TSNAX: variants seen among roughly 807,000 people sequenced by gnomAD.
TSNAX encodes the protein translin associated factor X.
TSNAX carries 12 observed loss-of-function variants against 33.0 expected under a neutral mutation model. The ratio of observed to expected loss-of-function variants is 0.36; its 90% CI spans 0.23 to 0.59. The LOEUF is 0.59. Ranked by LOEUF, TSNAX falls within the 20% of genes least tolerant of loss-of-function variation. The pLI is 0.74. For synonymous variants in TSNAX, 110 were observed against 117.2 expected (o/e 0.94, Z 0.40); for missense variants, 267 against 341.3 (o/e 0.78, Z 1.72).
chr1:231,545,774 G>A (rs200878454), intron 4 of TSNAX, among the ~76,000 whole-genome samples: 2 of 151,702 alleles, frequency 1.3e-5, no homozygotes, highest in African/African-American at 4.8e-5. Flanking sequence ...GGATGTTTTG[G>A]GCCAGTTAAG....
rs1197819616 is a variant in TSNAX at position 231,532,175 on chromosome 1, C to T, written c.121+2816C>T. Among the ~76,000 whole-genome samples the T allele has an allele frequency of 1.1e-3, 103 of 93,370 alleles. 1 individual carries two copies. The highest frequency in any genetic ancestry group is 3.7e-3 in the African/African-American group (98 of 26,188). The allele number at this position is 93,370 out of a possible 152,430, so 61.3% of individuals were successfully genotyped here. A position where few individuals can be genotyped will look rare whatever the true frequency, so the allele number is the denominator to read the frequency against. ...ACACACACACACACACACACACACACACACACACACAGTTTTGGTTTTTTT... is the reference window on the plus strand; with the variant it reads ...ACACACACACACACACACACACACATACACACACACAGTTTTGGTTTTTTT... On this transcript the variant is annotated intron_variant, in intron 2 of 5. Transcript: ENST00000366639.
chr1:231,545,560 TC>T (rs954288898), intron 4 of TSNAX, among the ~76,000 whole-genome samples: 14 of 152,296 alleles, frequency 9.2e-5, no homozygotes, highest in Middle Eastern at 3.4e-3. Flanking sequence ...ATTTTTTTTT[TC>T]CCTCTTGTTG....
chr1:231,542,793 C>T, intron 4 of TSNAX, 182 bp downstream of exon 4: 1 of 606,978 alleles, frequency 1.6e-6, no homozygotes, highest in African/African-American at 1.9e-5. Context: ...TTTTTTTTAA[C>T]AGTGTAGTGA....
At chr1:231,553,772 T>G (rs1660505171) in intron 4 of TSNAX, among the ~76,000 whole-genome samples, 1 of 151,234 alleles carries the variant, frequency 6.6e-6, no homozygotes, top group Admixed American at 6.6e-5. Flanking sequence ...CCACAACCTC[T>G]GCCTCCCAGG....
intron 4 of TSNAX, among the ~76,000 whole-genome samples, chr1:231,554,187 AAAAT>A (rs1468887807): frequency 6.6e-6 from 1 of 152,224 alleles, no homozygotes; most frequent in Non-Finnish European, 1.5e-5. Flanking sequence ...TCCCTATTAA[AAAAT>A]AAATCAGGAC....
At chr1:231,536,843 C>A (rs903646859) in intron 2 of TSNAX, 3 of 132,528 alleles carry the variant, frequency 2.3e-5, no homozygotes, top group Admixed American at 7.5e-5. Flanking sequence ...TTTTTTTTTT[C>A]TTTTTTTTGA....
chr1:231,564,421 T>C, intron 5 of TSNAX, 107 bp from the exon 6 acceptor site: 2 of 1,486,206 alleles, frequency 1.3e-6, no homozygotes, highest in East Asian at 4.6e-5. Flanking sequence ...GCTATTGATT[T>C]TGTACTTCTA....
At chr1:231,530,270 T>C (rs1277111830) in intron 2 of TSNAX, among the ~76,000 whole-genome samples, 4 of 152,236 alleles carry the variant, frequency 2.6e-5, no homozygotes, top group Admixed American at 6.5e-5. Flanking sequence ...AAGGAAGTTA[T>C]GTCCCACCCT....
chr1:231,557,614 T>C (rs16854555), intron 4 of TSNAX, among the ~76,000 whole-genome samples: 1,994 of 152,022 alleles, frequency 0.013, 41 homozygotes, highest in African/African-American at 0.045. Flanking sequence ...AAATATAGGG[T>C]TCATGGATAG....
At chr1:231,550,520 GC>G (rs1660229476) in intron 4 of TSNAX, among the ~76,000 whole-genome samples, 1 of 152,180 alleles carries the variant, frequency 6.6e-6, no homozygotes, top group Non-Finnish European at 1.5e-5. Context: ...AGGAAGCATT[GC>G]TTTATTTGAG....
chr1:231,529,498 A>G, intron 2 of TSNAX, 139 bp downstream of exon 2: 2 of 763,744 alleles, frequency 2.6e-6, no homozygotes, highest in South Asian at 2.0e-5. Flanking sequence ...ATGTACCCTA[A>G]AAGTCTGGAT....
intron 2 of TSNAX, chr1:231,534,706 C>T (rs551065952): frequency 2.0e-5 from 3 of 152,266 alleles, no homozygotes; most frequent in South Asian, 2.1e-4. Flanking sequence ...AGATTGCATA[C>T]CCTTAGTACG....
chr1:231,557,939 G>A (rs1043944784), intron 4 of TSNAX, among the ~76,000 whole-genome samples: 1 of 152,094 alleles, frequency 6.6e-6, no homozygotes, highest in African/African-American at 2.4e-5. Flanking sequence ...TAACCATATA[G>A]GGGATTATAA....
intron 4 of TSNAX, among the ~76,000 whole-genome samples, chr1:231,550,387 A>G (rs1660221360): frequency 6.6e-6 from 1 of 152,168 alleles, no homozygotes; most frequent in African/African-American, 2.4e-5. Context: ...AACCCCCAAA[A>G]AGAGGTGCCT....
intron 3 of TSNAX, among the ~76,000 whole-genome samples, chr1:231,537,769 G>GT (rs200264351): frequency 0.013 from 1,998 of 150,982 alleles, 60 homozygotes; most frequent in African/African-American, 0.046. Context: ...GGAAAAGTCT[G>GT]TAGGGGTTGG....
At chr1:231,533,194 GT>G (rs1658904200) in intron 2 of TSNAX, among the ~76,000 whole-genome samples, 2 of 151,956 alleles carry the variant, frequency 1.3e-5, no homozygotes, top group Non-Finnish European at 2.9e-5. Flanking sequence ...CGCCTCCCAG[GT>G]TCAAGCAATT....
chr1:231,536,661 A>G (rs1659194957), intron 2 of TSNAX: 1 of 152,204 alleles, frequency 6.6e-6, no homozygotes. Flanking sequence ...TAGCGCTGTT[A>G]GTGATGTATA....
At position 231,555,517 on chromosome 1, in the gene TSNAX, G is replaced by T. The variant is rs529390772; in HGVS notation, c.368-5611G>T. 3.3e-4 allele frequency among the ~76,000 whole-genome samples: 50 copies of T among 152,270 alleles called. 1 individual carries two copies. Among genetic ancestry groups the T allele is most frequent in the African/African-American group, 1.2e-3 (49 of 41,556 alleles). ...ATAATGGTTGTACAACATTATGAAT[G>T]TATTTAATATGCTAAACTGTACACT... On this transcript the variant is annotated intron_variant, in intron 4 of 5. Coordinates refer to ENST00000366639, the MANE Select transcript of TSNAX (RefSeq NM_005999.3).
intron 3 of TSNAX, among the ~76,000 whole-genome samples, chr1:231,541,648 A>G (rs1408497534): frequency 6.6e-6 from 1 of 152,218 alleles, no homozygotes; most frequent in Non-Finnish European, 1.5e-5. Flanking sequence ...TTGTGTATAG[A>G]TTCAGATTTT....
Sources: allele counts gnomAD v4.1 joint callset (sites outside exome capture counted in the v4.1 genomes callset), GRCh38; gene constraint gnomAD v4.1.1; transcripts MANE v1.5; gene names NCBI Gene and HGNC (gene_info 2026-07-23, HGNC 2026-07-21).